HMCN1: variants seen among roughly 807,000 people sequenced by gnomAD.
The protein encoded by HMCN1 is hemicentin 1, also known as hemicentin-1.
A neutral mutation model predicts 625.9 loss-of-function variants in HMCN1; 321 were observed. That is an observed-to-expected ratio of 0.51 (90% CI 0.47 to 0.56). The LOEUF (loss-of-function observed/expected upper bound fraction) is 0.56. Among genes scored for constraint, HMCN1 ranks in the 20% least tolerant of loss-of-function variants. The pLI, the probability that HMCN1 is intolerant of heterozygous loss-of-function variation, is 0.00. For synonymous variants in HMCN1, 2,425 were observed against 2,417.6 expected, an observed-to-expected ratio of 1.00 and a Z score of -0.09; for missense variants, 6,588 against 6,887.3, an observed-to-expected ratio of 0.96 and a Z score of 1.54.
chr1:185,944,960 A>AT (rs1169107063), intron 11 of HMCN1, among the ~76,000 whole-genome samples: 4 of 152,222 alleles, frequency 2.6e-5, no homozygotes, highest in African/African-American at 9.6e-5. Context: ...ATTGTTTAAT[A>AT]TTTTTTGTGT....
chr1:186,047,664 C>T (rs928547478), intron 41 of HMCN1, among the ~76,000 whole-genome samples: 2 of 152,088 alleles, frequency 1.3e-5, no homozygotes, highest in African/African-American at 4.8e-5. Flanking sequence ...TGCATACTGA[C>T]TTTAAGAACT....
rs1397407789 is a variant in HMCN1 at position 186,019,539 on chromosome 1, A to G, written c.5471-2A>G. 1 of 1,606,018 alleles carries G rather than the reference A, an allele frequency of 6.2e-7. No individual in the cohort carries two copies. Among genetic ancestry groups the G allele is most frequent in the Admixed American group, 1.7e-5 (1 of 59,882 alleles). ...TTCCCTCTCCCCCTTCCTTAAATATAGTTCCTCCAACAATCAAGTCCTCAG... is the reference window on the plus strand; with the variant it reads ...TTCCCTCTCCCCCTTCCTTAAATATGGTTCCTCCAACAATCAAGTCCTCAG... On this transcript the variant is annotated splice_acceptor_variant, in intron 34 of 106. Coordinates refer to ENST00000271588, the MANE Select transcript of HMCN1 (RefSeq NM_031935.3). LOFTEE classifies it high-confidence loss of function.
At chr1:185,771,278 G>A (rs995884441) in intron 1 of HMCN1, among the ~76,000 whole-genome samples, 5 of 152,292 alleles carry the variant, frequency 3.3e-5, no homozygotes, top group African/African-American at 4.8e-5. Context: ...GATCAGTAGC[G>A]TTTGGCAGAT....
intron 40 of HMCN1, 151 bp downstream of exon 40, chr1:186,041,287 C>T: frequency 1.3e-6 from 1 of 785,374 alleles, no homozygotes; most frequent in African/African-American, 1.7e-5. Flanking sequence ...TCTCTTTCTG[C>T]CTTATATCTG....
chr1:186,093,591 A>G lies in HMCN1; in HGVS notation c.10118A>G (p.Gln3373Arg). Residue 3373 changes from glutamine (Q) to arginine (R), a missense_variant, in exon 66 of 107, where the codon CAG becomes CGG. Physicochemically the swap from Gln to Arg is conservative, Grantham distance 43 (BLOSUM62 1). Transcript: ENST00000271588. ...ECRATGTPPP[Q>R]INWLKNGLPL... ...AGAGCCACAGGGACGCCTCCACCAC[A>G]GATAAACTGGCTGAAGAATGGACTT... 6.2e-7 allele frequency: 1 copy of G among 1,613,514 alleles called. No individual in the cohort carries two copies. Among genetic ancestry groups the G allele is most frequent in the Non-Finnish European group, 8.5e-7 (1 of 1,179,656 alleles).
intron 25 of HMCN1, among the ~76,000 whole-genome samples, chr1:185,998,531 T>G (rs1652960545): frequency 6.6e-6 from 1 of 152,062 alleles, no homozygotes; most frequent in Admixed American, 6.6e-5. Context: ...TTTAGAAGGG[T>G]TTAAGCTCAG....
intron 7 of HMCN1, among the ~76,000 whole-genome samples, 165 bp from the exon 8 acceptor site, chr1:185,923,225 T>C (rs1027798646): frequency 6.6e-6 from 1 of 152,214 alleles, no homozygotes; most frequent in Non-Finnish European, 1.5e-5. Context: ...TAAGTTTCTC[T>C]GGTCATGCAT....
chr1:185,892,081 C>A (rs1039654671), intron 4 of HMCN1, among the ~76,000 whole-genome samples: 2 of 150,630 alleles, frequency 1.3e-5, no homozygotes, highest in Non-Finnish European at 2.9e-5. Context: ...TCGCTGTTAC[C>A]CTTTCTTCCA....
intron 1 of HMCN1, among the ~76,000 whole-genome samples, chr1:185,764,796 ATAAAT>A (rs1196947052): frequency 6.6e-6 from 1 of 152,200 alleles, no homozygotes; most frequent in African/African-American, 2.4e-5. Flanking sequence ...TTTGATATAA[ATAAAT>A]TTAATTACAG....
intron 69 of HMCN1, among the ~76,000 whole-genome samples, chr1:186,105,085 A>G (rs1660551113): frequency 6.6e-6 from 1 of 152,230 alleles, no homozygotes; most frequent in South Asian, 2.1e-4. Flanking sequence ...AGAGTGTTAA[A>G]TGATGGCCAG....
chr1:185,799,915 G>A (rs1658673747), intron 1 of HMCN1, among the ~76,000 whole-genome samples: 1 of 152,166 alleles, frequency 6.6e-6, no homozygotes, highest in South Asian at 2.1e-4. Context: ...CTGCCACTGA[G>A]GTGGGTATCA....
intron 2 of HMCN1, among the ~76,000 whole-genome samples, chr1:185,855,402 C>T (rs982700759): frequency 6.6e-6 from 1 of 152,088 alleles, no homozygotes; most frequent in African/African-American, 2.4e-5. Flanking sequence ...CCCATTTTTG[C>T]CTACGGTTAA....
intron 26 of HMCN1, among the ~76,000 whole-genome samples, chr1:186,000,542 G>GGTGT (rs1170943049): frequency 2.4e-4 from 30 of 127,148 alleles, no homozygotes; most frequent in African/African-American, 8.0e-4. Context: ...CAGCGTGTAG[G>GGTGT]GTGTGTGTGT....
chr1:185,759,547 C>T (rs1655351644), intron 1 of HMCN1, among the ~76,000 whole-genome samples: 1 of 152,142 alleles, frequency 6.6e-6, no homozygotes, highest in African/African-American at 2.4e-5. Context: ...GTGTGAAGAA[C>T]AAAATTGGAA....
At chr1:185,841,621 A>G (rs916959530) in intron 1 of HMCN1, among the ~76,000 whole-genome samples, 1 of 152,214 alleles carries the variant, frequency 6.6e-6, no homozygotes, top group Non-Finnish European at 1.5e-5. Flanking sequence ...GTACTGAGGC[A>G]GTTAATCCCC....
chr1:186,158,146 GATGAT>G (rs1290647937), intron 97 of HMCN1, among the ~76,000 whole-genome samples: 1 of 149,668 alleles, frequency 6.7e-6, no homozygotes, highest in African/African-American at 2.5e-5. Flanking sequence ...ACTGGTGTGA[GATGAT>G]ATCTCATTGT....
chr1:186,047,688 C>G (rs983690251), intron 41 of HMCN1, among the ~76,000 whole-genome samples: 1 of 152,092 alleles, frequency 6.6e-6, no homozygotes, highest in Non-Finnish European at 1.5e-5. Context: ...AACCCTAGAT[C>G]TGAGTGAGCC....
At chr1:186,176,556 C>A (rs912104135) in intron 103 of HMCN1, among the ~76,000 whole-genome samples, 4 of 152,122 alleles carry the variant, frequency 2.6e-5, no homozygotes, top group Admixed American at 6.5e-5. Context: ...AAACCCATTC[C>A]TTCATTAATT....
At chr1:185,787,307 G>C (rs1335740384) in intron 1 of HMCN1, among the ~76,000 whole-genome samples, 2 of 152,186 alleles carry the variant, frequency 1.3e-5, no homozygotes, top group Admixed American at 6.5e-5. Context: ...GGCAGAGAAT[G>C]CCCTTCATAA....
Sources: gnomAD v4.1 joint callset for allele counts (sites outside exome capture counted in the v4.1 genomes callset) on GRCh38, gnomAD v4.1.1 for gene constraint, MANE v1.5 for transcripts, NCBI Gene and HGNC (gene_info 2026-07-23, HGNC 2026-07-21) for gene names.